The following KRABD3 variants were observed in gnomAD, a reference collection of about 807,000 sequenced individuals.
KRABD3 encodes the protein KRAB domain containing 3.
At chr7:149,723,633 A>C in the KRABD3 span, 1 of 1,162,488 alleles carries the variant, frequency 8.6e-7, no homozygotes, top group African/African-American at 1.6e-5. Flanking sequence ...CCTCATCTTC[A>C]GAGTTGGCCC....
At chr7:149,726,121 C>T in the KRABD3 span, 2 of 1,475,788 alleles carry the variant, frequency 1.4e-6, no homozygotes, top group Non-Finnish European at 1.8e-6. Flanking sequence ...GCCCCTTGCC[C>T]AGTCCCTCTG....
At chr7:149,724,531 GGTGACTGCC>G in the KRABD3 span, 5 of 615,830 alleles carry the variant, frequency 8.1e-6, no homozygotes, top group African/African-American at 7.7e-5. Context: ...AGTCTGAGCC[GGTGACTGCC>G]GTGGAGGCAC....
At chr7:149,722,445 A>G in the KRABD3 span, 1 of 1,607,804 alleles carries the variant, frequency 6.2e-7, no homozygotes, top group South Asian at 1.1e-5. Context: ...ACCGTGGCCT[A>G]CAAGGAAGGA....
the KRABD3 span, chr7:149,720,124 C>T: frequency 1.3e-6 from 2 of 1,551,614 alleles, no homozygotes; most frequent in Non-Finnish European, 8.7e-7. Context: ...TGGAGATCCC[C>T]AGGGTAAGTT....
chr7:149,721,020 GCCT>G, the KRABD3 span: 5 of 1,610,058 alleles, frequency 3.1e-6, no homozygotes, highest in Non-Finnish European at 4.2e-6. Flanking sequence ...AGTGCACGCA[GCCT>G]CCTCTGCACT....
chr7:149,720,917 C>G, the KRABD3 span: 1 of 1,613,472 alleles, frequency 6.2e-7, no homozygotes, highest in Non-Finnish European at 8.5e-7. Flanking sequence ...TTGGAGAAGT[C>G]AAGGGCGCTA....
the KRABD3 span, chr7:149,721,138 C>T: frequency 1.0e-5 from 12 of 1,204,842 alleles, no homozygotes; most frequent in South Asian, 4.6e-5. Context: ...GGCCGTGTGC[C>T]GCCCTCTGAG....
At chr7:149,721,003 G>A in the KRABD3 span, 1 of 1,612,812 alleles carries the variant, frequency 6.2e-7, no homozygotes, top group Non-Finnish European at 8.5e-7. Flanking sequence ...AAGTCAGACA[G>A]TGGGGCAGTG....
At chr7:149,730,790 C>A in the KRABD3 span, 84 of 590,416 alleles carry the variant, frequency 1.4e-4, no homozygotes, top group East Asian at 1.4e-3. Flanking sequence ...GAGCCACTCA[C>A]TTGATGCCAC....
chr7:149,725,270 TG>T, the KRABD3 span: 1 of 1,514,870 alleles, frequency 6.6e-7, no homozygotes, highest in Admixed American at 2.1e-5. Flanking sequence ...TGGGCAAGGC[TG>T]GAATGTGTGG....
chr7:149,730,300 A>C, the KRABD3 span: 4 of 1,549,494 alleles, frequency 2.6e-6, no homozygotes, highest in Non-Finnish European at 3.5e-6. Context: ...GAAGGAGAAG[A>C]CCCGAGGCCA....
the KRABD3 span, chr7:149,729,479 T>A: frequency 7.8e-7 from 1 of 1,280,176 alleles, no homozygotes. Flanking sequence ...TCTCTCATCC[T>A]TTCCCCAGAG....
At chr7:149,721,503 G>C in the KRABD3 span, 1 of 1,612,492 alleles carries the variant, frequency 6.2e-7, no homozygotes, top group Non-Finnish European at 8.5e-7. Context: ...GGCCCAACTG[G>C]TGACGGGGTC....
At chr7:149,734,037 G>T in the KRABD3 span, 4 of 1,604,180 alleles carry the variant, frequency 2.5e-6, no homozygotes, top group African/African-American at 1.3e-5. Context: ...CCGAGATGGG[G>T]GGCGCATTGA....
At chr7:149,730,472 C>A in the KRABD3 span, 1 of 1,606,276 alleles carries the variant, frequency 6.2e-7, no homozygotes. Context: ...CCCTCTGTCC[C>A]CATGTCCTGG....
the KRABD3 span, chr7:149,719,322 A>G: frequency 2.3e-6 from 1 of 436,484 alleles, no homozygotes; most frequent in Non-Finnish European, 4.0e-6. The surrounding 1 kb of genome is among the most constrained non-coding windows in gnomAD (Gnocchi z 5.6). Context: ...CTGTTTCTAA[A>G]TAAGGTCCTA....
chr7:149,721,120 C>T, the KRABD3 span: 52 of 1,290,582 alleles, frequency 4.0e-5, no homozygotes, highest in African/African-American at 5.9e-5. Flanking sequence ...TGCTGTTCCT[C>T]GTGGCTAGGC....
the KRABD3 span, chr7:149,729,827 G>A: frequency 2.5e-5 from 25 of 985,420 alleles, no homozygotes; most frequent in Non-Finnish European, 2.7e-5. Flanking sequence ...TGCAGGGATG[G>A]CACCTGCCTG....
At chr7:149,733,795 A>T in the KRABD3 span, 1 of 1,603,804 alleles carries the variant, frequency 6.2e-7, no homozygotes, top group East Asian at 2.3e-5. Context: ...CGCCGCCTGC[A>T]CACCCCCTCC....
Sources: gnomAD v4.1 joint callset for allele counts on GRCh38, gnomAD v4.1.1 for gene constraint, Gnocchi (gnomAD v3.1) non-coding constraint, MANE v1.5 for transcripts, NCBI Gene and HGNC (gene_info 2026-07-23, HGNC 2026-07-21) for gene names.